The following MICAL2 variants were observed in gnomAD, a reference collection of about 807,000 sequenced individuals.
The protein encoded by MICAL2 is [F-actin]-monooxygenase MICAL2.
A neutral mutation model predicts 127.3 loss-of-function variants in MICAL2; 77 were observed. The observed-to-expected ratio is 0.60, with a 90% confidence interval of 0.50 to 0.73. MICAL2 has a LOEUF of 0.73. MICAL2 is among the 30% of genes least tolerant of loss of function. MICAL2 has a pLI of 0.00. For synonymous variants in MICAL2, 570 were observed against 551.1 expected (o/e 1.03, Z -0.48); for missense variants, 1,351 against 1,434.4 (o/e 0.94, Z 0.94).
chr11:12,126,706 A>AC, intron 1 of MICAL2, among the ~76,000 whole-genome samples: 1 of 12,370 alleles, frequency 8.1e-5, no homozygotes, highest in African/African-American at 6.6e-4. Context: ...TTATGTGTGT[A>AC]AAAAAAAAAA....
downstream of MICAL2, among the ~76,000 whole-genome samples, chr11:12,288,867 A>AT (rs1565294439): frequency 2.0e-5 from 3 of 152,238 alleles, no homozygotes; most frequent in South Asian, 6.2e-4. Flanking sequence ...TCTCCCGAAA[A>AT]TCCCCAGAGC....
chr11:12,274,225 T>C (rs1002804589), upstream of MICAL2: 2 of 152,168 alleles, frequency 1.3e-5, no homozygotes, highest in African/African-American at 4.8e-5. Context: ...ACCTGTTCTC[T>C]GGACACTGTC....
intron 22 of MICAL2, chr11:12,254,010 T>C (rs1861947773): frequency 6.6e-6 from 1 of 152,128 alleles, no homozygotes; most frequent in Non-Finnish European, 1.5e-5. Flanking sequence ...ACCAGCCCCA[T>C]CCTGAAGCTA....
At chr11:12,266,926 A>T (rs1178642867), downstream of MICAL2, among the ~76,000 whole-genome samples, 2 of 152,200 alleles carry the variant, frequency 1.3e-5, no homozygotes, top group Non-Finnish European at 2.9e-5. Flanking sequence ...CACTTTCCTG[A>T]TCTTGCACAG....
chr11:12,259,455 G>A (rs78937714), intron 25 of MICAL2, among the ~76,000 whole-genome samples: 3,101 of 152,250 alleles, frequency 0.02, 127 homozygotes, highest in African/African-American at 0.07. Flanking sequence ...GGATCTTTAC[G>A]TCGTTGGAAT....
intron 3 of MICAL2, among the ~76,000 whole-genome samples, chr11:12,200,541 C>T (rs1250472253): frequency 1.3e-5 from 2 of 152,228 alleles, no homozygotes; most frequent in Admixed American, 6.5e-5. Flanking sequence ...TCAGAGAAGA[C>T]CTGACTTGGC....
intron 3 of MICAL2, among the ~76,000 whole-genome samples, chr11:12,164,889 CT>C (rs1012886884): frequency 1.3e-5 from 2 of 152,132 alleles, no homozygotes; most frequent in Non-Finnish European, 2.9e-5. Context: ...AATCCCAGCA[CT>C]TTGGGAAGCC....
chr11:12,199,167 C>T (rs1165116382), intron 3 of MICAL2, among the ~76,000 whole-genome samples: 1 of 152,162 alleles, frequency 6.6e-6, no homozygotes, highest in African/African-American at 2.4e-5. Context: ...AATAAGAGTG[C>T]CTGGAGCAAG....
At chr11:12,339,273 G>T (rs1241328645) in intron 32 of MICAL2, among the ~76,000 whole-genome samples, 3 of 152,182 alleles carry the variant, frequency 2.0e-5, no homozygotes, top group African/African-American at 7.2e-5. Flanking sequence ...TTGTCACGTA[G>T]TTCTCGTGCC....
At chr11:12,257,190 G>C in intron 24 of MICAL2, 3 of 498,100 alleles carry the variant, frequency 6.0e-6, no homozygotes, top group East Asian at 3.3e-5. Flanking sequence ...CTGTGGTACG[G>C]CATACCAGGT....
At chr11:12,268,123 G>A (rs1470971234), downstream of MICAL2, among the ~76,000 whole-genome samples, 1 of 152,246 alleles carries the variant, frequency 6.6e-6, no homozygotes, top group Non-Finnish European at 1.5e-5. Flanking sequence ...TCGGGCTGGG[G>A]AAGGTCTGGC....
intron 1 of MICAL2, among the ~76,000 whole-genome samples, chr11:12,137,790 T>C (rs1253928240): frequency 6.6e-6 from 1 of 152,228 alleles, no homozygotes; most frequent in Non-Finnish European, 1.5e-5. Context: ...TTAGAAATAT[T>C]TTGTAACTCT....
intron 29 of MICAL2, among the ~76,000 whole-genome samples, chr11:12,312,315 G>A (rs556431478): frequency 6.7e-6 from 1 of 149,196 alleles, no homozygotes; most frequent in Non-Finnish European, 1.5e-5. Flanking sequence ...TCTTGAAATG[G>A]ATCTTAGAAC....
chr11:12,262,594 C>T lies in MICAL2; in HGVS notation c.*17+57C>T, dbSNP rs767765115. On this transcript the variant is annotated intron_variant, in intron 27 of 27. Coordinates refer to ENST00000683283, the MANE Select transcript of MICAL2 (RefSeq NM_001282663.2). ...TGGTACTAACCCCCAACCCGCTTTCCGCACCCCGTCCTCTCCGCCAGCAGT... is the reference window on the plus strand; with the variant it reads ...TGGTACTAACCCCCAACCCGCTTTCTGCACCCCGTCCTCTCCGCCAGCAGT... The T allele has an allele frequency of 3.0e-4, 432 of 1,419,618 alleles. 1 individual carries two copies. The highest frequency in any genetic ancestry group is 4.6e-4 in the East Asian group (20 of 43,942). The allele number at this position is 1,419,618 out of a possible 1,614,324, so 87.9% of individuals were successfully genotyped here.
intron 22 of MICAL2, chr11:12,254,724 C>T (rs986887815): frequency 1.3e-5 from 2 of 152,142 alleles, no homozygotes; most frequent in Admixed American, 6.5e-5. Flanking sequence ...CCGTTCCCTT[C>T]TCTGGGATTC....
intron 1 of MICAL2, among the ~76,000 whole-genome samples, chr11:12,279,872 T>A (rs557540291): frequency 5.1e-4 from 77 of 152,322 alleles, no homozygotes; most frequent in African/African-American, 1.8e-3. Context: ...TGGGGCACCA[T>A]GACCAGCCAG....
chr11:12,354,521 C>T (rs1939101666), intron 33 of MICAL2, among the ~76,000 whole-genome samples: 1 of 151,814 alleles, frequency 6.6e-6, no homozygotes, highest in Admixed American at 6.6e-5. Context: ...GCCTGTAATC[C>T]CAGCTACTTG....
intron 24 of MICAL2, among the ~76,000 whole-genome samples, chr11:12,268,921 C>T (rs1863640449): frequency 1.3e-5 from 2 of 152,086 alleles, no homozygotes; most frequent in Admixed American, 1.3e-4. Context: ...ATGGTGTGAA[C>T]CCGGGAGGCG....
chr11:12,269,934 C>G (rs1448762116), intron 24 of MICAL2, among the ~76,000 whole-genome samples: 1 of 152,230 alleles, frequency 6.6e-6, no homozygotes, highest in Non-Finnish European at 1.5e-5. Flanking sequence ...GATTGCCCAT[C>G]AATTGGTTCA....
Sources: allele counts gnomAD v4.1 joint callset (sites outside exome capture counted in the v4.1 genomes callset), GRCh38; gene constraint gnomAD v4.1.1; transcripts MANE v1.5; gene names NCBI Gene and HGNC (gene_info 2026-07-23, HGNC 2026-07-21).